The following CHRM5 variants were observed in gnomAD, a reference collection of about 807,000 sequenced individuals.
CHRM5 encodes the protein muscarinic acetylcholine receptor M5.
In CHRM5, 18 loss-of-function variants were observed where a neutral mutation model predicts 39.0. The observed-to-expected ratio is 0.46, with a 90% CI of 0.32 to 0.68. The LOEUF (loss-of-function observed/expected upper bound fraction) is 0.68, where lower values mean the gene tolerates loss of function less well. Among genes scored for constraint, CHRM5 ranks in the 30% least tolerant of loss-of-function variants. The pLI is 0.04. For missense variants in CHRM5, 515 were observed against 651.1 expected, an observed-to-expected ratio of 0.79 and a Z score of 2.28; for synonymous variants, 241 against 246.3, an observed-to-expected ratio of 0.98 and a Z score of 0.20.
chr15:34,022,908 C>A (rs181855762), intron 1 of CHRM5, among the ~76,000 whole-genome samples: 1 of 152,218 alleles, frequency 6.6e-6, no homozygotes, highest in Non-Finnish European at 1.5e-5. Flanking sequence ...AACAATGAGG[C>A]CGGGCGCGGT....
chr15:33,990,422 T>G (rs1324385412), intron 1 of CHRM5, among the ~76,000 whole-genome samples: 1 of 152,048 alleles, frequency 6.6e-6, no homozygotes, highest in South Asian at 2.1e-4. Flanking sequence ...CCCAGATGAT[T>G]TGATGATGCA....
At chr15:33,989,142 A>C (rs1020557919) in intron 1 of CHRM5, among the ~76,000 whole-genome samples, 1 of 141,850 alleles carries the variant, frequency 7.0e-6, no homozygotes, top group African/African-American at 2.5e-5. Flanking sequence ...AACAAATCCC[A>C]CACAAACACA....
intron 2 of CHRM5, among the ~76,000 whole-genome samples, chr15:34,047,163 C>T (rs1483182046): frequency 4.6e-5 from 7 of 151,612 alleles, no homozygotes; most frequent in Admixed American, 2.0e-4. Context: ...CTGCAAGCTC[C>T]GCCTCCCGGG....
chr15:34,026,925 C>T (rs928909457), intron 1 of CHRM5, among the ~76,000 whole-genome samples: 1 of 152,114 alleles, frequency 6.6e-6, no homozygotes, highest in Non-Finnish European at 1.5e-5. Context: ...TAAAGAGTGA[C>T]ATGATGTGTT....
chr15:34,012,123 A>T (rs902565723), intron 1 of CHRM5, among the ~76,000 whole-genome samples: 15 of 152,238 alleles, frequency 9.9e-5, no homozygotes, highest in African/African-American at 3.4e-4. Flanking sequence ...TGCAAGTCCC[A>T]ACTCCCAGGT....
intron 2 of CHRM5, among the ~76,000 whole-genome samples, chr15:34,049,322 G>A (rs1449413006): frequency 1.3e-5 from 2 of 152,152 alleles, no homozygotes; most frequent in East Asian, 3.9e-4. Context: ...AACAATGCAG[G>A]AGCTGACAGC....
intron 2 of CHRM5, among the ~76,000 whole-genome samples, chr15:34,058,896 T>C (rs1396111726): frequency 2.6e-5 from 4 of 152,190 alleles, no homozygotes; most frequent in Non-Finnish European, 4.4e-5. Flanking sequence ...TTTCCTTTTT[T>C]TCTTAACTTT....
intron 1 of CHRM5, among the ~76,000 whole-genome samples, chr15:33,994,936 C>T (rs558435527): frequency 6.6e-6 from 1 of 152,160 alleles, no homozygotes; most frequent in East Asian, 1.9e-4. Context: ...ATTTAACCAA[C>T]CATAGATCAA....
At chr15:34,026,454 T>C (rs142631596) in intron 1 of CHRM5, among the ~76,000 whole-genome samples, 8 of 152,292 alleles carry the variant, frequency 5.3e-5, no homozygotes, top group Admixed American at 2.6e-4. Context: ...GGGAGATATG[T>C]TGAGAAAGGT....
chr15:34,031,168 A>ATTTTTTTTTTTTTTTTTTT, intron 1 of CHRM5, among the ~76,000 whole-genome samples: 1 of 67,590 alleles, frequency 1.5e-5, no homozygotes, highest in Non-Finnish European at 2.5e-5. Context: ...GCTTAGGTTA[A>ATTTTTTTTTTTTTTTTTTT]TTTTTTTTTT....
At chr15:33,979,495 A>G (rs1479154691) in intron 1 of CHRM5, among the ~76,000 whole-genome samples, 1 of 152,232 alleles carries the variant, frequency 6.6e-6, no homozygotes, top group Non-Finnish European at 1.5e-5. Context: ...AAAAACAAGC[A>G]AGCAAATAAA....
intron 1 of CHRM5, among the ~76,000 whole-genome samples, chr15:34,029,095 C>T (rs1020611745): frequency 2.0e-5 from 3 of 152,030 alleles, no homozygotes; most frequent in African/African-American, 7.2e-5. Context: ...TGCTACCCAC[C>T]AGAGTAGACA....
Position 34,064,382 on chromosome 15 carries a change from G to A in CHRM5, c.*66G>A. On this transcript the variant is annotated 3_prime_UTR_variant, in exon 3 of 3. Coordinates refer to ENST00000383263, the MANE Select transcript of CHRM5 (RefSeq NM_012125.4). ...AACATCCTCTGAGGATGAGCAAGCTGATTCTGGTTTGTATATTTTCAAAAA... is the reference window on the plus strand; with the variant it reads ...AACATCCTCTGAGGATGAGCAAGCTAATTCTGGTTTGTATATTTTCAAAAA... 1.4e-6 allele frequency: 2 copies of A among 1,481,314 alleles called. No individual in the cohort carries two copies. Among genetic ancestry groups the A allele is most frequent in the Non-Finnish European group, 1.8e-6 (2 of 1,111,308 alleles). 91.8% of individuals were successfully genotyped at this position (1,481,314 alleles called of 1,614,324 possible). A position where few individuals can be genotyped will look rare whatever the true frequency, so the allele number is the denominator to read the frequency against.
Position 33,982,959 on chromosome 15 carries a change from T to C in CHRM5, c.-408+13809T>C, listed in dbSNP as rs1896218908. Among the ~76,000 whole-genome samples, 3 of 151,822 alleles carry C rather than the reference T, an allele frequency of 2.0e-5. No individual in the cohort carries two copies. The South Asian group carries it at 6.3e-4, about 32-fold the overall frequency. The stretch of plus-strand genomic sequence containing the variant: ...ACATGCCTCCTTCCTACCCATCAAC[T>C]CCTGTTGGGATAATTTTTGAAAGAC... On this transcript the variant is annotated intron_variant, in intron 1 of 2. Coordinates refer to ENST00000383263, the MANE Select transcript of CHRM5 (RefSeq NM_012125.4).
intron 2 of CHRM5, among the ~76,000 whole-genome samples, chr15:34,055,555 A>G (rs1007021097): frequency 1.3e-5 from 2 of 151,786 alleles, no homozygotes; most frequent in Admixed American, 6.6e-5. Context: ...TAATCCCAGC[A>G]CTTTGGGAGG....
chr15:34,038,509 C>A (rs954550165), intron 1 of CHRM5, among the ~76,000 whole-genome samples: 1 of 152,128 alleles, frequency 6.6e-6, no homozygotes, highest in Admixed American at 6.5e-5. Context: ...GGGTTCCTAA[C>A]CCGGACCCTG....
Position 34,055,807 on chromosome 15 carries a change from T to C in CHRM5, c.-75-6836T>C, listed in dbSNP as rs147493650. Among the ~76,000 whole-genome samples, 747 of 151,962 alleles carry C rather than the reference T, an allele frequency of 4.9e-3. 8 individuals carry two copies. The highest frequency in any genetic ancestry group is 0.017 in the African/African-American group (708 of 41,450). ...CGGAGCAAGACTCTGTCACAAAAAATAAATAAATAAATAAATAAAAATAAA... is the reference window on the plus strand; with the variant it reads ...CGGAGCAAGACTCTGTCACAAAAAACAAATAAATAAATAAATAAAAATAAA... On this transcript the variant is annotated intron_variant, in intron 2 of 2. Transcript: ENST00000383263.
chr15:33,973,240 T>C (rs1895716353), intron 1 of CHRM5, among the ~76,000 whole-genome samples: 1 of 152,212 alleles, frequency 6.6e-6, no homozygotes, highest in South Asian at 2.1e-4. Flanking sequence ...TAATGTGTTC[T>C]TTAAGAAGCA....
At chr15:33,972,535 A>AG (rs1390705569) in intron 1 of CHRM5, 5 of 152,274 alleles carry the variant, frequency 3.3e-5, no homozygotes, top group African/African-American at 9.7e-5. Context: ...AAACAAAAAC[A>AG]AAAACAAAAA....
Sources: gnomAD v4.1 joint callset for allele counts (sites outside exome capture counted in the v4.1 genomes callset) on GRCh38, gnomAD v4.1.1 for gene constraint, MANE v1.5 for transcripts, NCBI Gene and HGNC (gene_info 2026-07-23, HGNC 2026-07-21) for gene names.